Variants in PRDM1 observed in about 807,000 individuals in gnomAD.
The protein encoded by PRDM1 is PR/SET domain 1.
In PRDM1, 13 loss-of-function variants were observed where a neutral mutation model predicts 62.8. The observed-to-expected ratio is 0.21, with a 90% CI of 0.13 to 0.33. The LOEUF is 0.33. Ranked by LOEUF, PRDM1 falls within the 10% of genes least tolerant of loss-of-function variation. The pLI, the probability that PRDM1 is intolerant of heterozygous loss-of-function variation, is 1.00. For synonymous variants in PRDM1, 396 were observed against 417.6 expected (o/e 0.95, Z 0.63); for missense variants, 895 against 1,058.8 (o/e 0.85, Z 2.15).
At chr6:106,050,491 G>A (rs1174548813) in intron 1 of PRDM1, among the ~76,000 whole-genome samples, 1 of 152,110 alleles carries the variant, frequency 6.6e-6, no homozygotes, top group Non-Finnish European at 1.5e-5. Flanking sequence ...GGTACTTTTG[G>A]ATATAAAGTA....
At chr6:106,009,344 C>T (rs537914613) in intron 1 of PRDM1, among the ~76,000 whole-genome samples, 1 of 152,104 alleles carries the variant, frequency 6.6e-6, no homozygotes, top group African/African-American at 2.4e-5. Context: ...GGATGACTTT[C>T]GCTTCCTTTT....
intron 1 of PRDM1, chr6:106,072,039 G>A (rs1773528549): frequency 6.6e-6 from 1 of 152,134 alleles, no homozygotes; most frequent in South Asian, 2.1e-4. Flanking sequence ...AGCAAAGTTT[G>A]GGGACTACTG....
At chr6:106,088,969 A>AG (rs1188548090) in intron 2 of PRDM1, among the ~76,000 whole-genome samples, 1 of 152,216 alleles carries the variant, frequency 6.6e-6, no homozygotes, top group Admixed American at 6.5e-5. Context: ...AAGCCGAGAA[A>AG]GGGGGTCATG....
intron 1 of PRDM1, among the ~76,000 whole-genome samples, chr6:106,079,725 G>A (rs977033474): frequency 4.6e-5 from 7 of 152,232 alleles, no homozygotes; most frequent in African/African-American, 1.7e-4. Flanking sequence ...TTGAAGCCAG[G>A]AGGTGAAGGT....
At chr6:106,105,963 G>A (rs758402921) in intron 5 of PRDM1, 30 bp downstream of exon 5, 2 of 1,587,834 alleles carry the variant, frequency 1.3e-6, no homozygotes, top group Admixed American at 1.8e-5. Flanking sequence ...AGTCCAAGGG[G>A]CTGTGAGTGC....
chr6:106,053,860 C>A (rs1773220907), intron 1 of PRDM1, among the ~76,000 whole-genome samples: 1 of 141,136 alleles, frequency 7.1e-6, no homozygotes, highest in East Asian at 2.4e-4. Flanking sequence ...ATACAATACT[C>A]TGGGTAGAAA....
At position 106,105,687 on chromosome 6, in the gene PRDM1, C is replaced by T. The variant is rs1336674158; in HGVS notation, c.1527C>T (p.Ala509=). ...CCGCCGCCAGCATGAAGGACAAGGC[C>T]TGTAGCCCCACAAGCGGGTCTCCCA... ...TGAAASMKDK[A]CSPTSGSPTA... The change falls in exon 5 of 7, where the codon GCC becomes GCT. Residue 509 remains alanine (A), a synonymous_variant. Coordinates refer to ENST00000369096, the MANE Select transcript of PRDM1 (RefSeq NM_001198.4). The T allele has an allele frequency of 3.1e-6, 5 of 1,613,630 alleles. No individual in the cohort carries two copies. The highest frequency in any genetic ancestry group is 2.2e-5 in the East Asian group (1 of 44,884).
chr6:106,003,939 G>A (rs1772455783), intron 1 of PRDM1, among the ~76,000 whole-genome samples: 1 of 152,172 alleles, frequency 6.6e-6, no homozygotes, highest in African/African-American at 2.4e-5. Context: ...AATCAGTGGA[G>A]GAGTGACAGA....
intron 1 of PRDM1, among the ~76,000 whole-genome samples, chr6:106,066,181 C>T (rs1273117382): frequency 6.6e-6 from 1 of 152,134 alleles, no homozygotes; most frequent in Non-Finnish European, 1.5e-5. Flanking sequence ...CATTAATAGG[C>T]AAGCTTTGGT....
intron 1 of PRDM1, among the ~76,000 whole-genome samples, chr6:106,065,059 C>G (rs1562157434): frequency 6.6e-6 from 1 of 152,146 alleles, no homozygotes; most frequent in East Asian, 1.9e-4. Context: ...TTATTCTGAT[C>G]TCTGGGGTAG....
intron 1 of PRDM1, among the ~76,000 whole-genome samples, chr6:106,053,767 T>G (rs1249830127): frequency 6.6e-6 from 1 of 152,140 alleles, no homozygotes. Flanking sequence ...TACAAGTGTC[T>G]TGGCTAATGT....
At chr6:106,016,647 CTCT>C (rs1478764513) in intron 1 of PRDM1, among the ~76,000 whole-genome samples, 1 of 64,548 alleles carries the variant, frequency 1.5e-5, no homozygotes, top group Non-Finnish European at 3.0e-5. Flanking sequence ...TTTCTTTTCT[CTCT>C]TTTTTTTTTT....
intron 2 of PRDM1, among the ~76,000 whole-genome samples, chr6:106,092,262 C>T (rs1411666712): frequency 2.0e-5 from 3 of 152,056 alleles, no homozygotes; most frequent in Non-Finnish European, 2.9e-5. Context: ...GTGTTTTGTC[C>T]GGAAGCTGTG....
intron 3 of PRDM1, chr6:106,098,696 G>C: frequency 7.3e-7 from 1 of 1,373,510 alleles, no homozygotes; most frequent in Non-Finnish European, 9.7e-7. Context: ...GTTCACCTTT[G>C]CCCCACCCAG....
chr6:106,013,198 C>G lies in PRDM1; in HGVS notation c.-67+19559C>G, dbSNP rs372377681. Among the ~76,000 whole-genome samples the G allele has an allele frequency of 2.6e-5, 4 of 151,920 alleles. No homozygotes were observed. In the East Asian group the frequency reaches 7.8e-4, roughly 30 times the overall value. ...CATGCCTGGCCATACTCTTCAACAA[C>G]AGATCATCAATAATTGCAGTGCTTA... On this transcript the variant is annotated intron_variant, in intron 1 of 6. Coordinates refer to the PRDM1 transcript ENST00000652320.
upstream of PRDM1, among the ~76,000 whole-genome samples, chr6:106,082,748 A>G (rs1233045559): frequency 1.3e-5 from 2 of 152,196 alleles, no homozygotes; most frequent in Non-Finnish European, 2.9e-5. Flanking sequence ...AAAACATCCA[A>G]CAGCCCCTGA....
At position 106,105,423 on chromosome 6, in the gene PRDM1, T is replaced by C. The variant is rs757862613; in HGVS notation, c.1263T>C (p.Asn421=). 1.1e-5 allele frequency: 18 copies of C among 1,614,132 alleles called. No individual in the cohort carries two copies. Among genetic ancestry groups the C allele is most frequent in the Non-Finnish European group, 1.3e-5 (15 of 1,180,028 alleles). The change falls in exon 5 of 7, where the codon AAT becomes AAC. Residue 421 remains asparagine (N), a synonymous_variant. Coordinates refer to ENST00000369096, the MANE Select transcript of PRDM1 (RefSeq NM_001198.4). ...PKFLLPPYGM[N]CNGLSAVSSM... ...TCCTCTTGCCCCCCTACGGCATGAA[T>C]TGTAATGGCCTGAGCGCTGTGAGCA...
At chr6:106,027,047 T>C (rs1772775164) in intron 1 of PRDM1, among the ~76,000 whole-genome samples, 1 of 152,196 alleles carries the variant, frequency 6.6e-6, no homozygotes, top group Non-Finnish European at 1.5e-5. Context: ...GTTGTTGAAA[T>C]TCGGATCCCC....
rs559186073 is a variant in PRDM1, at chr6:106,006,508, G to A, written c.-67+12869G>A. 1.2e-3 allele frequency among the ~76,000 whole-genome samples: 180 copies of A among 151,770 alleles called. 5 individuals carry two copies. The highest frequency in any genetic ancestry group is 2.2e-3 in the Non-Finnish European group (147 of 67,840). Reference sequence around the variant, plus strand: ...ATTTAACATCAGATAGCATTTTATCGTCTCCCTTTGTATGTAGAAGATACT... The same window carrying A: ...ATTTAACATCAGATAGCATTTTATCATCTCCCTTTGTATGTAGAAGATACT... On this transcript the variant is annotated intron_variant, in intron 1 of 6. Coordinates refer to the PRDM1 transcript ENST00000652320.
Sources: gnomAD v4.1 joint callset for allele counts (sites outside exome capture counted in the v4.1 genomes callset) on GRCh38, gnomAD v4.1.1 for gene constraint, MANE v1.5 for transcripts, NCBI Gene and HGNC (gene_info 2026-07-23, HGNC 2026-07-21) for gene names.